BLK: variants seen among roughly 807,000 people sequenced by gnomAD.
The protein encoded by BLK is tyrosine-protein kinase Blk.
Under a neutral mutation model 61.8 loss-of-function variants are expected in BLK, and 64 were observed. The observed-to-expected ratio is 1.03, with a 90% CI of 0.85 to 1.27. The LOEUF (loss-of-function observed/expected upper bound fraction) is 1.27. Ranked by LOEUF, BLK falls within the 50% of genes most tolerant of loss-of-function variation. The pLI is 0.00. For missense variants in BLK, 853 were observed against 660.5 expected, an observed-to-expected ratio of 1.29 and a Z score of -3.19; for synonymous variants, 351 against 272.0, an observed-to-expected ratio of 1.29 and a Z score of -2.86.
intron 4 of BLK, 101 bp downstream of exon 4, chr8:11,548,226 C>T (rs1800736763): frequency 9.8e-7 from 1 of 1,025,278 alleles, no homozygotes; most frequent in Non-Finnish European, 1.5e-6. Flanking sequence ...CCCTGGAAGT[C>T]TTCTCCATCG....
intron 1 of BLK, among the ~76,000 whole-genome samples, chr8:11,538,422 C>T (rs553633948): frequency 2.0e-5 from 3 of 152,192 alleles, no homozygotes; most frequent in Admixed American, 1.3e-4. Context: ...TAGGGGGACC[C>T]ATAGAGACCT....
At position 11,555,572 on chromosome 8, in the gene BLK, C is replaced by A. The variant is rs1367997660; in HGVS notation, c.772+88C>A. On this transcript the variant is annotated intron_variant, in intron 8 of 12. Coordinates refer to ENST00000259089, the MANE Select transcript of BLK (RefSeq NM_001715.3). ...CAGGTTCAGCATTTTCATAGCGTGT[C>A]ATCCCTCCCCCAGAAGTCTTGAGAG... The A allele has an allele frequency of 3.8e-6, 6 of 1,577,192 alleles. No individual in the cohort carries two copies. In the African/African-American group the frequency reaches 8.1e-5, roughly 21 times the overall value.
intron 1 of BLK, among the ~76,000 whole-genome samples, chr8:11,498,481 T>C (rs1192899241): frequency 6.6e-6 from 1 of 152,248 alleles, no homozygotes; most frequent in Non-Finnish European, 1.5e-5. Context: ...CACAGTCAAA[T>C]ATCTAGGAAG....
chr8:11,515,035 G>T (rs553480783), intron 1 of BLK, among the ~76,000 whole-genome samples: 2 of 152,108 alleles, frequency 1.3e-5, no homozygotes, highest in Non-Finnish European at 2.9e-5. Context: ...ACAAGCTGCT[G>T]CTCTGAGATT....
At chr8:11,558,201 C>G (rs1563123247) in intron 10 of BLK, among the ~76,000 whole-genome samples, 163 bp downstream of exon 10, 2 of 152,224 alleles carry the variant, frequency 1.3e-5, no homozygotes, top group Non-Finnish European at 2.9e-5. Context: ...ACCCACTGCA[C>G]TTGGACTTGC....
chr8:11,543,409 A>C, intron 2 of BLK, 62 bp downstream of exon 2: 1 of 1,598,524 alleles, frequency 6.3e-7, no homozygotes, highest in Non-Finnish European at 8.5e-7. Context: ...CTTAATGTCC[A>C]AGTTTGTAAA....
At chr8:11,528,186 G>A (rs530881159) in intron 1 of BLK, among the ~76,000 whole-genome samples, 54 of 152,172 alleles carry the variant, frequency 3.5e-4, no homozygotes, top group African/African-American at 1.1e-3. Context: ...ACAAGCACAT[G>A]CCTCCATGCC....
In BLK at chr8:11,510,983, G is replaced by A. The variant is rs76729019; in HGVS notation, c.-2+16392G>A. Among the ~76,000 whole-genome samples, 388 of 152,206 alleles carry A rather than the reference G, an allele frequency of 2.5e-3. 1 individual carries two copies. Among genetic ancestry groups the A allele is most frequent in the Middle Eastern group, 0.01 (3 of 294 alleles). ...GGCATTTTAAAACACATGGATCCCC[G>A]TAAGCTTTGCATTTCTCACCAGGGA... On this transcript the variant is annotated intron_variant, in intron 1 of 12. Transcript: ENST00000259089.
Position 11,504,416 on chromosome 8 carries a change from A to AAAAGAAAAG in BLK, c.-2+9828_-2+9829insGAAAAGAAA, listed in dbSNP as rs1563420844. 2.8e-3 allele frequency among the ~76,000 whole-genome samples: 362 copies of AAAAGAAAAG among 130,224 alleles called. 2 individuals carry two copies. Among genetic ancestry groups the AAAAGAAAAG allele is most frequent in the African/African-American group, 0.012 (351 of 28,234 alleles). The allele number at this position is 130,224 out of a possible 152,430, so 85.4% of individuals were successfully genotyped here. A position where few individuals can be genotyped will look rare whatever the true frequency, so the allele number is the denominator to read the frequency against. ...GAAAAGAAAAGAAAAGAAAAGAAAA[A>AAAAGAAAAG]AAAAAGAAAAGATCCCATTCACCTG... is the stretch of plus-strand genomic sequence containing the variant. On this transcript the variant is annotated intron_variant, in intron 1 of 12. Transcript: ENST00000259089.
chr8:11,520,081 A>G (rs1250688901), intron 1 of BLK, among the ~76,000 whole-genome samples: 1 of 152,236 alleles, frequency 6.6e-6, no homozygotes, highest in African/African-American at 2.4e-5. Flanking sequence ...GCTAATTAAT[A>G]TAGAGTCAAA....
rs561048415 is a variant in BLK, at chr8:11,562,630, T to G, written c.1181-349T>G. Among the ~76,000 whole-genome samples the G allele has an allele frequency of 8.1e-4, 124 of 152,342 alleles. 5 individuals carry two copies. The South Asian group carries it at 0.024, about 30-fold the overall frequency. On this transcript the variant is annotated intron_variant, in intron 11 of 12. Coordinates refer to ENST00000259089, the MANE Select transcript of BLK (RefSeq NM_001715.3). ...AATGGCTTGCCCAGGCCATGTCTTT[T>G]AAATTAAACAAGGCCCCTGTAAGGT...
intron 1 of BLK, among the ~76,000 whole-genome samples, chr8:11,515,220 A>G (rs1236559879): frequency 1.3e-5 from 2 of 152,158 alleles, no homozygotes; most frequent in African/African-American, 4.8e-5. Context: ...GAGAAGGAAG[A>G]TGGGTCCTGG....
chr8:11,563,174 C>T, intron 12 of BLK, 64 bp downstream of exon 12: 1 of 1,609,274 alleles, frequency 6.2e-7, no homozygotes, highest in East Asian at 2.2e-5. Context: ...TGGCAGGTCG[C>T]CTGTGCTTGG....
Position 11,563,979 on chromosome 8 carries a change from G to T in BLK, c.1389G>T (p.Glu463Asp). 1 of 1,606,364 alleles carries T rather than the reference G, an allele frequency of 6.2e-7. No individual in the cohort carries two copies. Among genetic ancestry groups the T allele is most frequent in the Non-Finnish European group, 8.5e-7 (1 of 1,179,370 alleles). Residue 463 changes from glutamate (E) to aspartate (D), a missense_variant, in exon 13 of 13, where the codon GAG becomes GAT. Glu to Asp is a conservative substitution (Grantham distance 45, BLOSUM62 2). Transcript: ENST00000259089. ...RMPRPDTCPPELYRGVIAECW... is the reference protein window; with the variant it reads ...RMPRPDTCPPDLYRGVIAECW... ...CGCGCCCCGACACCTGCCCGCCCGAGCTGTACCGCGGCGTCATCGCCGAGT... is the reference window on the plus strand; with the variant it reads ...CGCGCCCCGACACCTGCCCGCCCGATCTGTACCGCGGCGTCATCGCCGAGT...
chr8:11,511,478 G>A (rs765318786), intron 1 of BLK, among the ~76,000 whole-genome samples: 1 of 152,022 alleles, frequency 6.6e-6, no homozygotes. Flanking sequence ...ACAAACTCTG[G>A]CACCAGTCAG....
At chr8:11,562,876 TG>T in intron 11 of BLK, 102 bp from the exon 12 acceptor site, 1 of 1,541,786 alleles carries the variant, frequency 6.5e-7, no homozygotes, top group Non-Finnish European at 8.9e-7. Flanking sequence ...GGCCCCGCAG[TG>T]GGGGCTTGAT....
chr8:11,525,594 T>A (rs78136917), intron 1 of BLK, among the ~76,000 whole-genome samples: 3,059 of 152,340 alleles, frequency 0.02, 96 homozygotes, highest in African/African-American at 0.07. Context: ...TTGCTTAACT[T>A]GATTTTATTA....
intron 1 of BLK, among the ~76,000 whole-genome samples, chr8:11,541,496 C>G (rs1306788688): frequency 7.1e-6 from 1 of 141,344 alleles, no homozygotes; most frequent in Non-Finnish European, 1.5e-5. Flanking sequence ...CATCGTCTCT[C>G]TCTCTTTTTT....
chr8:11,498,966 T>C lies in BLK; in HGVS notation c.-2+4375T>C, dbSNP rs369331781. 6.6e-5 allele frequency among the ~76,000 whole-genome samples: 10 copies of C among 152,218 alleles called. No individual in the cohort carries two copies. The East Asian group carries it at 1.9e-3, about 29-fold the overall frequency. The stretch of plus-strand genomic sequence containing the variant: ...ACATGACAACTTCTTTGATTTACTT[T>C]TATGCCCAATATTCATTTTGAAACC... On this transcript the variant is annotated intron_variant, in intron 1 of 12. Coordinates refer to ENST00000259089, the MANE Select transcript of BLK (RefSeq NM_001715.3).
Sources: allele counts gnomAD v4.1 joint callset (sites outside exome capture counted in the v4.1 genomes callset), GRCh38; gene constraint gnomAD v4.1.1; transcripts MANE v1.5; gene names NCBI Gene and HGNC (gene_info 2026-07-23, HGNC 2026-07-21).